Variants in LINGO2 observed in about 807,000 individuals in gnomAD.
The protein encoded by LINGO2 is leucine rich repeat and Ig domain containing 2.
Under a neutral mutation model 30.6 loss-of-function variants are expected in LINGO2, and 14 were observed. The ratio of observed to expected loss-of-function variants is 0.46; its 90% CI spans 0.30 to 0.72. LINGO2 has a LOEUF of 0.72. LINGO2 is among the 30% of genes least tolerant of loss of function. The pLI is 0.07. For synonymous variants in LINGO2, 317 were observed against 288.5 expected (o/e 1.10, Z -1.00); for missense variants, 729 against 751.7 (o/e 0.97, Z 0.35).
At chr9:29,053,785 A>C in the LINGO2 span, among the ~76,000 whole-genome samples, 1 of 152,086 alleles carries the variant, frequency 6.6e-6, no homozygotes, top group East Asian at 1.9e-4. Context: ...TAAATTATTA[A>C]TACATAATGA....
chr9:29,051,366 A>G, the LINGO2 span, among the ~76,000 whole-genome samples: 1 of 152,186 alleles, frequency 6.6e-6, no homozygotes, highest in Admixed American at 6.5e-5. Context: ...CTTAGTTGGA[A>G]TTACACAGTA....
intron 1 of LINGO2, among the ~76,000 whole-genome samples, chr9:28,626,524 G>A (rs561648885): frequency 6.6e-6 from 1 of 151,966 alleles, no homozygotes; most frequent in Admixed American, 6.6e-5. Context: ...ATTTTTGTTA[G>A]TAGTACAAAT....
chr9:28,008,745 A>G (rs1822396466), intron 5 of LINGO2, among the ~76,000 whole-genome samples: 1 of 152,180 alleles, frequency 6.6e-6, no homozygotes, highest in Non-Finnish European at 1.5e-5. Context: ...AAACTAAAAC[A>G]TTGTTGAAAG....
chr9:28,359,396 AAAAC>A lies in LINGO2; in HGVS notation c.-246+13436_-246+13439del, dbSNP rs1193888295. ...ATCAATCTTCTTCATTGCCAAACAC[AAAAC>A]AAACAAAAAGAAAACATTGGTCCCA... On this transcript the variant is annotated intron_variant, in intron 3 of 5. Transcript: ENST00000379992. 1.9e-4 allele frequency among the ~76,000 whole-genome samples: 29 copies of A among 152,206 alleles called. No individual in the cohort carries two copies. The East Asian group carries it at 5.4e-3, about 28-fold the overall frequency.
the LINGO2 span, among the ~76,000 whole-genome samples, chr9:28,762,589 G>A: frequency 0.02 from 3,051 of 152,082 alleles, 116 homozygotes; most frequent in African/African-American, 0.069. Flanking sequence ...ACTTGATTGA[G>A]GACAATGAAG....
At chr9:28,421,608 C>T (rs1198579506) in intron 2 of LINGO2, among the ~76,000 whole-genome samples, 4 of 152,032 alleles carry the variant, frequency 2.6e-5, no homozygotes, top group Admixed American at 6.6e-5. Flanking sequence ...CACTCATACT[C>T]CAGTCCTGTG....
the LINGO2 span, among the ~76,000 whole-genome samples, chr9:28,682,099 G>A: frequency 3.3e-5 from 5 of 152,102 alleles, no homozygotes; most frequent in South Asian, 2.1e-4. Flanking sequence ...TGGGCATAGC[G>A]GTGAGATTTC....
chr9:29,174,460 C>CT, the LINGO2 span, among the ~76,000 whole-genome samples: 5 of 152,198 alleles, frequency 3.3e-5, no homozygotes, highest in Non-Finnish European at 5.9e-5. Flanking sequence ...ATATATAACT[C>CT]TATGAATAGC....
intron 4 of LINGO2, among the ~76,000 whole-genome samples, chr9:28,099,316 CA>C (rs955264448): frequency 6.6e-6 from 1 of 151,978 alleles, no homozygotes; most frequent in African/African-American, 2.4e-5. Context: ...TATCAGCAAA[CA>C]AAAAGGCTTT....
At chr9:27,965,176 G>A (rs1281427166) in intron 5 of LINGO2, among the ~76,000 whole-genome samples, 1 of 151,978 alleles carries the variant, frequency 6.6e-6, no homozygotes, top group Admixed American at 6.6e-5. Flanking sequence ...TCAGGAGAAG[G>A]GGAAAGAAAC....
chr9:28,581,518 T>C (rs1236894972), intron 1 of LINGO2, among the ~76,000 whole-genome samples: 1 of 151,274 alleles, frequency 6.6e-6, no homozygotes, highest in Non-Finnish European at 1.5e-5. Flanking sequence ...AATTGTGATA[T>C]ATATATAGAA....
At chr9:28,306,899 T>C (rs1215060612) in intron 3 of LINGO2, among the ~76,000 whole-genome samples, 1 of 152,220 alleles carries the variant, frequency 6.6e-6, no homozygotes, top group African/African-American at 2.4e-5. Flanking sequence ...AATCTCTGAA[T>C]AGACCAATAA....
the LINGO2 span, among the ~76,000 whole-genome samples, chr9:28,785,484 T>C: frequency 1.9e-3 from 287 of 152,296 alleles, no homozygotes; most frequent in African/African-American, 4.5e-3. Context: ...GCTTTGCTTA[T>C]TGATTTATTT....
intron 4 of LINGO2, among the ~76,000 whole-genome samples, chr9:28,098,840 A>G (rs374365349): frequency 9.2e-5 from 14 of 152,342 alleles, no homozygotes; most frequent in East Asian, 7.7e-4. Flanking sequence ...TTTGAGATAC[A>G]GAATGTTTTG....
At chr9:29,050,390 C>CTGCTA in the LINGO2 span, among the ~76,000 whole-genome samples, 12 of 152,156 alleles carry the variant, frequency 7.9e-5, no homozygotes, top group Non-Finnish European at 4.4e-5. Context: ...ATATACACGT[C>CTGCTA]TGCTATGTAT....
At chr9:28,318,398 G>C (rs1423422695) in intron 3 of LINGO2, among the ~76,000 whole-genome samples, 1 of 152,044 alleles carries the variant, frequency 6.6e-6, no homozygotes, top group African/African-American at 2.4e-5. Context: ...TTCTGTTTGG[G>C]AGAAGAAAAT....
chr9:28,659,772 A>T (rs1317414297), intron 1 of LINGO2, among the ~76,000 whole-genome samples: 2 of 152,130 alleles, frequency 1.3e-5, no homozygotes, highest in African/African-American at 4.8e-5. Flanking sequence ...TGAATTGCAA[A>T]GATGATGACC....
At chr9:28,821,915 C>T in the LINGO2 span, among the ~76,000 whole-genome samples, 2 of 152,168 alleles carry the variant, frequency 1.3e-5, no homozygotes, top group South Asian at 2.1e-4. Flanking sequence ...GAGTGGGAGA[C>T]AATGCTGTGC....
chr9:28,392,544 C>G (rs577686619), intron 2 of LINGO2, among the ~76,000 whole-genome samples: 6 of 152,260 alleles, frequency 3.9e-5, no homozygotes, highest in Admixed American at 3.9e-4. Flanking sequence ...AGCAGGTGCA[C>G]GGACCTTCCA....
Sources: allele counts gnomAD v4.1 joint callset (sites outside exome capture counted in the v4.1 genomes callset), GRCh38; gene constraint gnomAD v4.1.1; transcripts MANE v1.5; gene names NCBI Gene and HGNC (gene_info 2026-07-23, HGNC 2026-07-21).